The following BDP1 variants were observed in gnomAD, a reference collection of about 807,000 sequenced individuals.
The protein encoded by BDP1 is transcription factor TFIIIB component B'' homolog.
In BDP1, 169 loss-of-function variants were observed where a neutral mutation model predicts 266.6. The observed-to-expected ratio is 0.63, with a 90% confidence interval of 0.56 to 0.72. The LOEUF is 0.72. Among genes scored for constraint, BDP1 ranks in the 30% least tolerant of loss-of-function variants. The pLI is 0.00. For missense variants in BDP1, 3,015 were observed against 3,053.8 expected (o/e 0.99, Z 0.30); for synonymous variants, 1,090 against 1,022.4 (o/e 1.07, Z -1.26).
downstream of BDP1, among the ~76,000 whole-genome samples, chr5:71,569,687 G>A (rs1031656326): frequency 6.6e-6 from 1 of 152,172 alleles, no homozygotes; most frequent in Non-Finnish European, 1.5e-5. Flanking sequence ...GGAGGTTGCA[G>A]TACGCTGATA....
rs1268555374 is a variant in BDP1 at position 71,516,322 on chromosome 5, T to C, written c.4860+51T>C. The stretch of plus-strand genomic sequence containing the variant: ...TTAGCCTTTTAATGCATTTAAAATG[T>C]CAAGTTATAGCTCAGACATAGCTTA... On this transcript the variant is annotated intron_variant, in intron 21 of 38. Transcript: ENST00000358731. The C allele has an allele frequency of 2.9e-6, 4 of 1,367,398 alleles. No individual in the cohort carries two copies. The South Asian group carries it at 5.0e-5, about 17-fold the overall frequency. The allele number at this position is 1,367,398 out of a possible 1,614,324, so 84.7% of individuals were successfully genotyped here.
At chr5:71,504,831 C>A in intron 16 of BDP1, 80 bp downstream of exon 16, 3 of 1,342,626 alleles carry the variant, frequency 2.2e-6, no homozygotes, top group South Asian at 1.2e-5. Flanking sequence ...AAAGCAGAAG[C>A]AATTTAGATG....
intron 7 of BDP1, among the ~76,000 whole-genome samples, chr5:71,479,288 G>C (rs1042812050): frequency 6.6e-6 from 1 of 151,928 alleles, no homozygotes; most frequent in African/African-American, 2.4e-5. Flanking sequence ...TGATCCGCCT[G>C]CCTCAGCCTC....
chr5:71,575,436 T>C, the BDP1 span, among the ~76,000 whole-genome samples: 2 of 152,120 alleles, frequency 1.3e-5, no homozygotes, highest in Non-Finnish European at 2.9e-5. Context: ...AAAAGAACAA[T>C]TGGATGCAGG....
chr5:71,523,161 A>G (rs558046590), intron 24 of BDP1, among the ~76,000 whole-genome samples: 15 of 152,310 alleles, frequency 9.8e-5, no homozygotes, highest in Non-Finnish European at 1.5e-4. Context: ...CCCTACTTCT[A>G]TAGTTTTCAA....
In BDP1 at chr5:71,532,189, A is replaced by G. The variant is rs1766287491; in HGVS notation, c.5773-119A>G. Reference sequence around the variant, plus strand: ...CTCCATTCCATTTTTTAAGTTATGTATGAATGTGGATTATTTCTTCATTTT... The same window carrying G: ...CTCCATTCCATTTTTTAAGTTATGTGTGAATGTGGATTATTTCTTCATTTT... On this transcript the variant is annotated intron_variant, in intron 25 of 38. Transcript: ENST00000358731. 18 of 828,028 alleles carry G rather than the reference A, an allele frequency of 2.2e-5. 1 individual carries two copies. In the South Asian group the frequency reaches 3.9e-4, roughly 18 times the overall value. The allele number at this position is 828,028 out of a possible 1,614,324, so 51.3% of individuals were successfully genotyped here. A position where few individuals can be genotyped will look rare whatever the true frequency, so the allele number is the denominator to read the frequency against.
At chr5:71,486,860 A>G (rs1763292874) in intron 9 of BDP1, among the ~76,000 whole-genome samples, 1 of 152,204 alleles carries the variant, frequency 6.6e-6, no homozygotes, top group Non-Finnish European at 1.5e-5. Flanking sequence ...TCTAGCATAG[A>G]GGATAGTTGT....
At position 71,496,241 on chromosome 5, in the gene BDP1, CAAAAAA is replaced by C. The variant is rs34456179; in HGVS notation, c.1799+844_1799+849del. 7.3e-3 allele frequency among the ~76,000 whole-genome samples: 804 copies of C among 110,108 alleles called. 8 individuals carry two copies. The highest frequency in any genetic ancestry group is 0.026 in the African/African-American group (771 of 29,268). The allele number at this position is 110,108 out of a possible 152,430, so 72.2% of individuals were successfully genotyped here. ...TGGGCGACAGAGCGAGACTCCATTT[CAAAAAA>C]AAAAAAAAAAGAAAGCTATTCAGTT... On this transcript the variant is annotated intron_variant, in intron 12 of 38. Transcript: ENST00000358731.
Position 71,503,079 on chromosome 5 carries a change from A to T in BDP1, c.2241+288A>T, listed in dbSNP as rs59861087. On this transcript the variant is annotated intron_variant, in intron 15 of 38. Coordinates refer to ENST00000358731, the MANE Select transcript of BDP1 (RefSeq NM_018429.3). ...GACTCTGTCTCAAAAAAAAAAAAAA[A>T]AAATTCACATGATCTATAATGTTTT... Among the ~76,000 whole-genome samples, 3,293 of 152,018 alleles carry T rather than the reference A, an allele frequency of 0.022. 156 individuals are homozygous for T. Among genetic ancestry groups the T allele is most frequent in the African/African-American group, 0.076 (3,143 of 41,432 alleles).
chr5:71,456,151 A>G (rs1761172367), intron 1 of BDP1, 62 bp downstream of exon 1: 2 of 1,491,564 alleles, frequency 1.3e-6, no homozygotes, highest in African/African-American at 2.8e-5. Flanking sequence ...GTCACCTGGA[A>G]GCTGAGCAAA....
chr5:71,518,323 G>C (rs1765328082), intron 22 of BDP1, among the ~76,000 whole-genome samples: 1 of 152,248 alleles, frequency 6.6e-6, no homozygotes, highest in East Asian at 1.9e-4. Context: ...AGTGACTTTG[G>C]CTTTCTGGGA....
Position 71,553,217 on chromosome 5 carries a change from C to T in BDP1, c.7097C>T (p.Ser2366Phe), listed in dbSNP as rs1580210877. 1 of 1,613,240 alleles carries T rather than the reference C, an allele frequency of 6.2e-7. No individual in the cohort carries two copies. Residue 2366 changes from serine (S) to phenylalanine (F), a missense_variant, in exon 35 of 39, where the codon TCT becomes TTT. This residue lies in a region of BDP1 where 629 missense variants were observed against 632.5 expected (regional missense o/e 0.99). Coordinates refer to ENST00000358731, the MANE Select transcript of BDP1 (RefSeq NM_018429.3). ...CCGCCTGATAATTTGGATCTTGTAT[C>T]TAGGAAGAGATTTCAATGCAGGCTT... ...KKPPDNLDLV[S>F]RKRFQCRLDK...
chr5:71,564,456 C>A (rs1297155289), intron 38 of BDP1, among the ~76,000 whole-genome samples: 1 of 151,388 alleles, frequency 6.6e-6, no homozygotes, highest in Non-Finnish European at 1.5e-5. Flanking sequence ...CTGTAATTTA[C>A]CTAATTATAT....
In BDP1 at chr5:71,551,752, C is replaced by T. The variant is rs567473959; in HGVS notation, c.6996-1364C>T. On this transcript the variant is annotated intron_variant, in intron 34 of 38. Coordinates refer to ENST00000358731, the MANE Select transcript of BDP1 (RefSeq NM_018429.3). ...GCAGAGGTGCCCCTCACCTCCCGGACGGGGCGGCTGGCCGGGAGGGGGGCT... is the reference window on the plus strand; with the variant it reads ...GCAGAGGTGCCCCTCACCTCCCGGATGGGGCGGCTGGCCGGGAGGGGGGCT... Among the ~76,000 whole-genome samples, 105 of 151,104 alleles carry T rather than the reference C, an allele frequency of 6.9e-4. 1 individual carries two copies. In the South Asian group the frequency reaches 0.019, roughly 27 times the overall value.
At chr5:71,532,950 T>A (rs1766346191) in intron 26 of BDP1, among the ~76,000 whole-genome samples, 1 of 152,208 alleles carries the variant, frequency 6.6e-6, no homozygotes, top group African/African-American at 2.4e-5. Flanking sequence ...CAACCCTCAC[T>A]GGCCTGGGGA....
At chr5:71,469,197 G>A (rs1762089672) in intron 6 of BDP1, among the ~76,000 whole-genome samples, 2 of 152,006 alleles carry the variant, frequency 1.3e-5, no homozygotes, top group South Asian at 4.2e-4. Context: ...GGAGTGCAGT[G>A]GTGCGATCTT....
chr5:71,513,195 C>T lies in BDP1; in HGVS notation c.4258C>T (p.Pro1420Ser). 6.2e-7 allele frequency: 1 copy of T among 1,610,506 alleles called. No homozygotes were observed. Among genetic ancestry groups the T allele is most frequent in the South Asian group, 1.1e-5 (1 of 90,330 alleles). Residue 1420 changes from proline (P) to serine (S), a missense_variant, in exon 19 of 39, where the codon CCT (proline) becomes TCT (serine). Physicochemically the swap from Pro to Ser is moderately conservative, Grantham distance 74 (BLOSUM62 -1). This residue lies in a region of BDP1 where 2,383 missense variants were observed against 2,404.9 expected (regional missense o/e 0.99). Transcript: ENST00000358731. ...TCCTTGTTCCAAAAGCAAATCTCTT[C>T]CTCAAGAACAGAAGCCACTTGAAAT... ...FSDINLSKSL[P>S]QEQKPLEIKP...
At chr5:71,480,034 T>C (rs930649792) in intron 7 of BDP1, among the ~76,000 whole-genome samples, 5 of 151,970 alleles carry the variant, frequency 3.3e-5, no homozygotes, top group Admixed American at 2.6e-4. Context: ...AACCTCCGCC[T>C]CCCAGGTTCA....
At chr5:71,485,327 AT>A (rs974630128) in intron 8 of BDP1, among the ~76,000 whole-genome samples, 12 of 150,716 alleles carry the variant, frequency 8.0e-5, no homozygotes, top group African/African-American at 1.7e-4. Context: ...TCTATTGGAA[AT>A]TTTTTTTTTA....
Sources: allele counts gnomAD v4.1 joint callset (sites outside exome capture counted in the v4.1 genomes callset), GRCh38; gene constraint gnomAD v4.1.1; regional missense constraint gnomAD v4.1.1; transcripts MANE v1.5; gene names NCBI Gene and HGNC (gene_info 2026-07-23, HGNC 2026-07-21).